The following C10orf71 variants were observed in gnomAD, a reference collection of about 807,000 sequenced individuals.
C10orf71 encodes cardiac-enriched FHL2-interacting protein.
For synonymous variants in C10orf71, 758 were observed against 726.3 expected, an observed-to-expected ratio of 1.04 and a Z score of -0.70; for missense variants, 1,869 against 1,804.5, an observed-to-expected ratio of 1.04 and a Z score of -0.65.
chr10:49,300,027 A>C (rs191234472), intron 1 of C10orf71, among the ~76,000 whole-genome samples: 1 of 152,202 alleles, frequency 6.6e-6, no homozygotes, highest in East Asian at 1.9e-4. Flanking sequence ...GTCTAAAATT[A>C]CCTCTTTTAT....
chr10:49,315,889 C>T (rs921834863), intron 1 of C10orf71, among the ~76,000 whole-genome samples: 1 of 152,170 alleles, frequency 6.6e-6, no homozygotes, highest in Non-Finnish European at 1.5e-5. Context: ...AACCCCATTA[C>T]TACCAAAAAT....
intron 1 of C10orf71, among the ~76,000 whole-genome samples, chr10:49,313,858 C>T (rs926249219): frequency 6.6e-6 from 1 of 152,206 alleles, no homozygotes; most frequent in Non-Finnish European, 1.5e-5. Flanking sequence ...GAGGCGTGGA[C>T]TGCAGCCAGG....
Position 49,326,613 on chromosome 10 carries a change from C to T in C10orf71, c.4068C>T (p.Ser1356=), listed in dbSNP as rs1480264916. The change falls in exon 3 of 3, where the codon TCC becomes TCT. Residue 1356 remains serine, a synonymous_variant. Transcript: ENST00000374144. ...CGCTGCGCTGCTCCTCTCAGCTCTCCGCGCCCACCTTCCTCAGGCAGGGCC... is the reference window on the plus strand; with the variant it reads ...CGCTGCGCTGCTCCTCTCAGCTCTCTGCGCCCACCTTCCTCAGGCAGGGCC... ...LMPLRCSSQL[S]APTFLRQGPR... 6 of 1,550,132 alleles carry T rather than the reference C, an allele frequency of 3.9e-6. No homozygotes were observed. The highest frequency in any genetic ancestry group is 2.4e-5 in the East Asian group (1 of 40,902).
In C10orf71 at chr10:49,323,392, C is replaced by T. The variant is rs2132433040; in HGVS notation, c.847C>T (p.His283Tyr). ...TAGTGCTTTTGAGTCATGGAATGCC[C>T]ACCAACCAAAGCTGCTGGAGAGAAA... ...ENSAFESWNA[H>Y]QPKLLERKDT... Residue 283 changes from histidine (H) to tyrosine (Y), a missense_variant, in exon 3 of 3, where the codon CAC (histidine) becomes TAC (tyrosine). His to Tyr is a moderately conservative substitution (Grantham distance 83). Transcript: ENST00000374144. The T allele has an allele frequency of 6.2e-7, 1 of 1,613,932 alleles. No individual in the cohort carries two copies. Among genetic ancestry groups the T allele is most frequent in the South Asian group, 1.1e-5 (1 of 91,080 alleles).
At chr10:49,317,424 T>C (rs190117198) in intron 2 of C10orf71, among the ~76,000 whole-genome samples, 157 of 152,272 alleles carry the variant, frequency 1.0e-3, no homozygotes, top group Admixed American at 3.3e-3. Context: ...TCATGCACCC[T>C]CTAAAAAAAA....
In C10orf71 at chr10:49,308,483, A is replaced by G. The variant is rs901465110; in HGVS notation, c.-247-7662A>G. ...GGCTGACACCCCTCTCCCATGTGCC[A>G]AATATCAGGCTAGTGGAGCCAAAAT... On this transcript the variant is annotated intron_variant, in intron 1 of 2. Coordinates refer to ENST00000374144, the MANE Select transcript of C10orf71 (RefSeq NM_001135196.2). Among the ~76,000 whole-genome samples, 7 of 152,336 alleles carry G rather than the reference A, an allele frequency of 4.6e-5. No homozygotes were observed. The South Asian group carries it at 8.3e-4, about 18-fold the overall frequency.
Position 49,323,436 on chromosome 10 carries a change from C to A in C10orf71, c.891C>A (p.Val297=). 6.2e-7 allele frequency: 1 copy of A among 1,614,032 alleles called. No individual in the cohort carries two copies. Residue 297 remains valine (V), a synonymous_variant, in exon 3 of 3, where the codon GTC becomes GTA. Coordinates refer to ENST00000374144, the MANE Select transcript of C10orf71 (RefSeq NM_001135196.2). Reference sequence around the variant, plus strand: ...AGAGAAAGGACACAGCTGGAACCGTCCCAGAAAGCAAAGCTCCCAAGCACT... The same window carrying A: ...AGAGAAAGGACACAGCTGGAACCGTACCAGAAAGCAAAGCTCCCAAGCACT... ...LLERKDTAGT[V]PESKAPKHYG...
Position 49,324,641 on chromosome 10 carries a change from C to A in C10orf71, c.2096C>A (p.Pro699Gln). ...ACACATTTGAACCAGAAATTCTTCC[C>A]AGGGCCCCTCTCTCCTGAGGAGGAA... The part of the protein sequence containing the change: ...QNTHLNQKFF[P>Q]GPLSPEEEDV... Residue 699 changes from proline (P) to glutamine (Q), a missense_variant, in exon 3 of 3, where the codon CCA becomes CAA. Pro to Gln is a moderately conservative substitution (Grantham distance 76, BLOSUM62 -1). Transcript: ENST00000374144. The A allele has an allele frequency of 6.2e-6, 10 of 1,613,662 alleles. No homozygotes were observed. The highest frequency in any genetic ancestry group is 8.5e-6 in the Non-Finnish European group (10 of 1,179,776).
chr10:49,323,214 G>A lies in C10orf71; in HGVS notation c.669G>A (p.Lys223=), dbSNP rs1482023821. ...GRKHGEQESS[K]NPEMACHGSS... ...AGCACGGAGAACAGGAGTCCTCCAA[G>A]AATCCAGAAATGGCCTGTCACGGCT... The change falls in exon 3 of 3, where the codon AAG becomes AAA. Residue 223 remains lysine, a synonymous_variant. Coordinates refer to ENST00000374144, the MANE Select transcript of C10orf71 (RefSeq NM_001135196.2). 6.2e-7 allele frequency: 1 copy of A among 1,613,946 alleles called. No individual in the cohort carries two copies. The highest frequency in any genetic ancestry group is 8.5e-7 in the Non-Finnish European group (1 of 1,179,890).
Position 49,322,683 on chromosome 10 carries a change from A to G in C10orf71, c.138A>G (p.Thr46=). 6.2e-7 allele frequency: 1 copy of G among 1,613,936 alleles called. No homozygotes were observed. Among genetic ancestry groups the G allele is most frequent in the East Asian group, 2.2e-5 (1 of 44,872 alleles). The change falls in exon 3 of 3, where the codon ACA becomes ACG. Residue 46 remains threonine (T), a synonymous_variant. Transcript: ENST00000374144. ...AFRSLCISED[T]SFHDSYLAVS... ...GGAGTTTGTGCATCTCCGAGGACACATCCTTCCATGACTCCTATCTGGCTG... is the reference window on the plus strand; with the variant it reads ...GGAGTTTGTGCATCTCCGAGGACACGTCCTTCCATGACTCCTATCTGGCTG...
chr10:49,324,330 G>A lies in C10orf71; in HGVS notation c.1785G>A (p.Pro595=), dbSNP rs371550755. 3.9e-5 allele frequency: 63 copies of A among 1,613,656 alleles called. No homozygotes were observed. Among genetic ancestry groups the A allele is most frequent in the African/African-American group, 2.1e-4 (16 of 74,836 alleles). The change falls in exon 3 of 3, where the codon CCG becomes CCA. Residue 595 remains proline (P), a synonymous_variant. Coordinates refer to ENST00000374144, the MANE Select transcript of C10orf71 (RefSeq NM_001135196.2). ...ADSYLTLSTA[P]TIAKAPFYVN... is the part of the protein sequence containing the mutation. ...GCTATCTAACTCTTAGCACAGCTCC[G>A]ACTATCGCCAAAGCCCCCTTCTATG...
In C10orf71 at chr10:49,308,969, C is replaced by A. The variant is rs1564684126; in HGVS notation, c.-247-7176C>A. Among the ~76,000 whole-genome samples the A allele has an allele frequency of 2.0e-5, 3 of 152,324 alleles. 1 individual carries two copies. The highest frequency in any genetic ancestry group is 3.4e-3 in the Middle Eastern group (1 of 294). On this transcript the variant is annotated intron_variant, in intron 1 of 2. Coordinates refer to ENST00000374144, the MANE Select transcript of C10orf71 (RefSeq NM_001135196.2). ...TGAGGCCCTGCTCAGCACTCCCAGGCCTTAAGCAAGGGACCAGCGATTGAC... is the reference window on the plus strand; with the variant it reads ...TGAGGCCCTGCTCAGCACTCCCAGGACTTAAGCAAGGGACCAGCGATTGAC...
rs1032262986 is a variant in C10orf71 at position 49,326,252 on chromosome 10, G to A, written c.3707G>A (p.Arg1236His). 16 of 1,550,350 alleles carry A rather than the reference G, an allele frequency of 1.0e-5. No homozygotes were observed. Among genetic ancestry groups the A allele is most frequent in the African/African-American group, 2.7e-5 (2 of 73,016 alleles). Reference protein sequence around the residue: ...ERPRHNFPVVRSLPPPVHRHS... With the variant: ...ERPRHNFPVVHSLPPPVHRHS... ...CCCCGACACAATTTCCCCGTGGTCC[G>A]TTCCCTGCCCCCTCCCGTGCACCGC... is the stretch of plus-strand genomic sequence containing the variant. The change falls in exon 3 of 3, where the codon CGT becomes CAT. Residue 1236 changes from arginine to histidine, a missense_variant. Coordinates refer to ENST00000374144, the MANE Select transcript of C10orf71 (RefSeq NM_001135196.2).
rs370360133 is a variant in C10orf71 at position 49,324,463 on chromosome 10, C to A, written c.1918C>A (p.Arg640Ser). ...SSWCPDSREH[R>S]PRKHLSLRLC... ...CTGGTGTCCAGACTCCAGGGAACAC[C>A]GCCCCAGGAAACACCTCTCCCTGAG... The change falls in exon 3 of 3, where the codon CGC (arginine) becomes AGC (serine). Residue 640 changes from arginine (R) to serine (S), a missense_variant. Transcript: ENST00000374144. 3 of 1,606,796 alleles carry A rather than the reference C, an allele frequency of 1.9e-6. No homozygotes were observed. Among genetic ancestry groups the A allele is most frequent in the East Asian group, 4.5e-5 (2 of 44,626 alleles).
chr10:49,310,530 C>A (rs1370178440), intron 1 of C10orf71, among the ~76,000 whole-genome samples: 2 of 152,238 alleles, frequency 1.3e-5, no homozygotes, highest in African/African-American at 4.8e-5. Context: ...TGAGCAACAT[C>A]CTGCACCTCT....
At chr10:49,314,621 C>T (rs987421082) in intron 1 of C10orf71, among the ~76,000 whole-genome samples, 2 of 152,160 alleles carry the variant, frequency 1.3e-5, no homozygotes, top group Non-Finnish European at 2.9e-5. Context: ...AAAATAAATG[C>T]CATTATGTCG....
rs368676281 is a variant in C10orf71, at chr10:49,322,949, G to A, written c.404G>A (p.Ser135Asn). 11 of 1,614,002 alleles carry A rather than the reference G, an allele frequency of 6.8e-6. No individual in the cohort carries two copies. In the African/African-American group the frequency reaches 1.5e-4, roughly 22 times the overall value. ...GAGGTGCCAGTTTCCGGCCTAAGGA[G>A]CAGCAATAAGCCTGTCTCCAAAGTA... is the stretch of plus-strand genomic sequence containing the variant. ...RLEVPVSGLR[S>N]SNKPVSKVST... is the part of the protein sequence containing the mutation. The change falls in exon 3 of 3, where the codon AGC becomes AAC. Residue 135 changes from serine to asparagine, a missense_variant. Ser to Asn is a conservative substitution (Grantham distance 46). Coordinates refer to ENST00000374144, the MANE Select transcript of C10orf71 (RefSeq NM_001135196.2).
chr10:49,324,645 G>A lies in C10orf71; in HGVS notation c.2100G>A (p.Gly700=), dbSNP rs771949060. The change falls in exon 3 of 3, where the codon GGG becomes GGA. Residue 700 remains glycine (G), a synonymous_variant. Transcript: ENST00000374144. ...NTHLNQKFFP[G]PLSPEEEDVF... is the part of the protein sequence containing the mutation. ...ATTTGAACCAGAAATTCTTCCCAGG[G>A]CCCCTCTCTCCTGAGGAGGAAGATG... 6.2e-7 allele frequency: 1 copy of A among 1,613,616 alleles called. No individual in the cohort carries two copies. Among genetic ancestry groups the A allele is most frequent in the Non-Finnish European group, 8.5e-7 (1 of 1,179,734 alleles).
chr10:49,319,712 A>G (rs1473636786), intron 2 of C10orf71, among the ~76,000 whole-genome samples: 1 of 30,608 alleles, frequency 3.3e-5, no homozygotes, highest in Non-Finnish European at 1.0e-4. Context: ...ATATATATAT[A>G]TATATATATA....
Sources: allele counts gnomAD v4.1 joint callset (sites outside exome capture counted in the v4.1 genomes callset), GRCh38; gene constraint gnomAD v4.1.1; transcripts MANE v1.5; gene names NCBI Gene and HGNC (gene_info 2026-07-23, HGNC 2026-07-21).